PPP1R16B: variants seen among roughly 807,000 people sequenced by gnomAD.
PPP1R16B encodes protein phosphatase 1 regulatory subunit 16B.
PPP1R16B carries 14 observed loss-of-function variants against 61.7 expected under a neutral mutation model. The observed-to-expected ratio is 0.23, with a 90% confidence interval of 0.15 to 0.35. The LOEUF is 0.35. Ranked by LOEUF, PPP1R16B falls within the 10% of genes least tolerant of loss-of-function variation. PPP1R16B has a pLI of 1.00. For missense variants in PPP1R16B, 547 were observed against 752.5 expected (o/e 0.73, Z 3.19); for synonymous variants, 266 against 305.3 (o/e 0.87, Z 1.34).
At chr20:38,913,740 G>A (rs1419866291) in intron 10 of PPP1R16B, among the ~76,000 whole-genome samples, 2 of 152,190 alleles carry the variant, frequency 1.3e-5, no homozygotes, top group African/African-American at 2.4e-5. Context: ...AGCAGGTGGT[G>A]TAATTGGACA....
Position 38,889,603 on chromosome 20 carries a change from T to C in PPP1R16B, c.259T>C (p.Phe87Leu), listed in dbSNP as rs1015519964. The C allele has an allele frequency of 6.3e-7, 1 of 1,586,760 alleles. No homozygotes were observed. The highest frequency in any genetic ancestry group is 8.7e-7 in the Non-Finnish European group (1 of 1,154,966). The part of the protein sequence containing the change: ...LRNDAEEVRY[F>L]LKNKVSPDLC... ...GTACCCTCCTATTGCAGTACGCTAC[T>C]TCCTGAAGAATAAGGTCAGCCCTGA... Residue 87 changes from phenylalanine to leucine, a missense_variant, in exon 3 of 11, where the codon TTC (phenylalanine) becomes CTC (leucine). Transcript: ENST00000299824.
chr20:38,849,379 G>T (rs2084953293), intron 2 of PPP1R16B, among the ~76,000 whole-genome samples: 2 of 152,032 alleles, frequency 1.3e-5, no homozygotes, highest in Admixed American at 1.3e-4. Context: ...TTCTCTCCAG[G>T]CTAACTACTT....
intron 3 of PPP1R16B, among the ~76,000 whole-genome samples, chr20:38,893,398 G>C (rs1240877379): frequency 6.6e-6 from 1 of 152,144 alleles, no homozygotes; most frequent in Non-Finnish European, 1.5e-5. Flanking sequence ...GTTTGTAAAC[G>C]GAGAGCAACA....
chr20:38,808,821 G>A (rs1193282529), intron 1 of PPP1R16B, among the ~76,000 whole-genome samples: 3 of 152,044 alleles, frequency 2.0e-5, no homozygotes, highest in African/African-American at 4.8e-5. Flanking sequence ...ATCACTAGAC[G>A]TCAGGAGTTC....
intron 2 of PPP1R16B, among the ~76,000 whole-genome samples, chr20:38,876,524 G>A (rs2085168446): frequency 9.7e-6 from 1 of 103,310 alleles, no homozygotes; most frequent in South Asian, 4.0e-4. Flanking sequence ...ACTCTTCTTT[G>A]ATTTTTTTCA....
rs185159317 is a variant in PPP1R16B, at chr20:38,889,679, C to T, written c.321+14C>T. The T allele has an allele frequency of 1.7e-5, 27 of 1,565,124 alleles. No individual in the cohort carries two copies. The highest frequency in any genetic ancestry group is 1.7e-4 in the Middle Eastern group (1 of 5,994). Reference sequence around the variant, plus strand: ...GCCCTACACCAGGTAAGGCCGGGCTCGTTGGGGCTCCAGGGCTCCCTGCCC... The same window carrying T: ...GCCCTACACCAGGTAAGGCCGGGCTTGTTGGGGCTCCAGGGCTCCCTGCCC... On this transcript the variant is annotated intron_variant, in intron 3 of 10. Coordinates refer to ENST00000299824, the MANE Select transcript of PPP1R16B (RefSeq NM_015568.4).
At chr20:38,891,549 C>G (rs1025862193) in intron 3 of PPP1R16B, among the ~76,000 whole-genome samples, 1 of 152,192 alleles carries the variant, frequency 6.6e-6, no homozygotes, top group Non-Finnish European at 1.5e-5. Context: ...CCTGTAATCC[C>G]GGCTCTTTGG....
intron 2 of PPP1R16B, among the ~76,000 whole-genome samples, chr20:38,863,651 A>T (rs2085070262): frequency 6.6e-6 from 1 of 152,184 alleles, no homozygotes; most frequent in African/African-American, 2.4e-5. Flanking sequence ...CGGTCACAGT[A>T]ACACCCACCT....
chr20:38,814,357 T>A (rs1412752020), intron 1 of PPP1R16B, among the ~76,000 whole-genome samples: 1 of 152,138 alleles, frequency 6.6e-6, no homozygotes, highest in Non-Finnish European at 1.5e-5. Flanking sequence ...GGGGGAAGGC[T>A]AGCAATGACC....
intron 2 of PPP1R16B, among the ~76,000 whole-genome samples, chr20:38,851,166 TA>T (rs879358972): frequency 5.6e-3 from 768 of 136,908 alleles, no homozygotes; most frequent in African/African-American, 0.011. Context: ...AAAAAACAAT[TA>T]AAAAAAAAAA....
intron 4 of PPP1R16B, among the ~76,000 whole-genome samples, chr20:38,896,187 C>CTTCCTTCTTTCTTCCCTCCCTTCCCCCT (rs2085347364): frequency 3.1e-5 from 3 of 95,636 alleles, no homozygotes; most frequent in Admixed American, 1.1e-4. Flanking sequence ...TCTTCCCTCC[C>CTTCCTTCTTTCTTCCCTCCCTTCCCCCT]TTCCTTCTTT....
intron 1 of PPP1R16B, among the ~76,000 whole-genome samples, chr20:38,833,651 CAA>C (rs1357838564): frequency 6.6e-6 from 1 of 152,184 alleles, no homozygotes; most frequent in Non-Finnish European, 1.5e-5. Context: ...ACAAAACAAA[CAA>C]AAGGCAACCA....
chr20:38,903,575 GTCCGTCCA>G (rs1271272820), intron 6 of PPP1R16B, among the ~76,000 whole-genome samples: 4,587 of 81,752 alleles, frequency 0.056, 218 homozygotes, highest in African/African-American at 0.16. Context: ...CCGTCCGTCC[GTCCGTCCA>G]TCCATCCATC....
In PPP1R16B at chr20:38,820,884, T is replaced by C. The variant is rs575039222; in HGVS notation, c.-101-14941T>C. ...TGTCTCTACTAAAAATATATATATATATAAAAATTAGCTAGGCATGGTGGC... is the reference window on the plus strand; with the variant it reads ...TGTCTCTACTAAAAATATATATATACATAAAAATTAGCTAGGCATGGTGGC... On this transcript the variant is annotated intron_variant, in intron 1 of 10. Coordinates refer to ENST00000299824, the MANE Select transcript of PPP1R16B (RefSeq NM_015568.4). 3.3e-5 allele frequency among the ~76,000 whole-genome samples: 5 copies of C among 150,700 alleles called. No homozygotes were observed. In the South Asian group the frequency reaches 1.1e-3, roughly 32 times the overall value.
rs1389502231 is a variant in PPP1R16B at position 38,895,508 on chromosome 20, A to AGGGCCCG, written c.322-50_322-44dup. 6.4e-6 allele frequency: 10 copies of AGGGCCCG among 1,567,170 alleles called. No homozygotes were observed. In the East Asian group the frequency reaches 1.8e-4, roughly 28 times the overall value. ...GCGGGGAACCTGGTGTGTCCTGACCAGGGCCCGGGGCCCAGTGCCCTGCCT... is the reference window on the plus strand; with the variant it reads ...GCGGGGAACCTGGTGTGTCCTGACCAGGGCCCGGGGCCCGGGGCCCAGTGCCCTGCCT... On this transcript the variant is annotated intron_variant, in intron 3 of 10. Coordinates refer to ENST00000299824, the MANE Select transcript of PPP1R16B (RefSeq NM_015568.4).
intron 2 of PPP1R16B, among the ~76,000 whole-genome samples, chr20:38,849,485 C>T (rs1452639179): frequency 6.6e-6 from 1 of 152,154 alleles, no homozygotes; most frequent in African/African-American, 2.4e-5. Flanking sequence ...ATCTGGCTCA[C>T]TCTGGAGTGA....
intron 1 of PPP1R16B, among the ~76,000 whole-genome samples, chr20:38,831,441 C>T (rs1274242248): frequency 6.6e-6 from 1 of 152,248 alleles, no homozygotes; most frequent in Non-Finnish European, 1.5e-5. Context: ...CACAGGCTCT[C>T]TTTCCTTTCT....
intron 2 of PPP1R16B, among the ~76,000 whole-genome samples, chr20:38,855,907 CATATATAT>C (rs371138532): frequency 0.022 from 395 of 17,776 alleles, 10 homozygotes; most frequent in Non-Finnish European, 0.025. Context: ...CAGTTTCCTA[CATATATAT>C]ATATATATAT....
At chr20:38,876,111 T>G (rs920937507) in intron 2 of PPP1R16B, among the ~76,000 whole-genome samples, 1 of 151,938 alleles carries the variant, frequency 6.6e-6, no homozygotes, top group Admixed American at 6.6e-5. Context: ...TAGCTGGGAT[T>G]ACAGGTGCCT....
Sources: allele counts gnomAD v4.1 joint callset (sites outside exome capture counted in the v4.1 genomes callset), GRCh38; gene constraint gnomAD v4.1.1; transcripts MANE v1.5; gene names NCBI Gene and HGNC (gene_info 2026-07-23, HGNC 2026-07-21).